TBC1D12: variants seen among roughly 807,000 people sequenced by gnomAD.
TBC1D12 encodes the protein TBC1 domain family member 12, also known as TBC1 domain family, member 12.
A neutral mutation model predicts 86.7 loss-of-function variants in TBC1D12; 56 were observed. The ratio of observed to expected loss-of-function variants is 0.65; its 90% confidence interval spans 0.52 to 0.81. The LOEUF is 0.81. Among genes scored for constraint, TBC1D12 ranks in the 30% least tolerant of loss-of-function variants. TBC1D12 has a pLI of 0.00. For missense variants in TBC1D12, 1,023 were observed against 1,038.8 expected (o/e 0.98, Z 0.21); for synonymous variants, 421 against 411.7 (o/e 1.02, Z -0.27).
At chr10:94,499,254 T>A (rs2056363814) in intron 5 of TBC1D12, among the ~76,000 whole-genome samples, 1 of 152,210 alleles carries the variant, frequency 6.6e-6, no homozygotes. Context: ...AATAGGTCAC[T>A]AACACTTATT....
intron 1 of TBC1D12, among the ~76,000 whole-genome samples, chr10:94,436,430 G>T (rs912692145): frequency 6.6e-6 from 1 of 151,974 alleles, no homozygotes; most frequent in African/African-American, 2.4e-5. Flanking sequence ...CACTGTGCCC[G>T]CCCAGGTCCT....
At chr10:94,429,135 A>C (rs986818250) in intron 1 of TBC1D12, among the ~76,000 whole-genome samples, 131 of 152,024 alleles carry the variant, frequency 8.6e-4, no homozygotes, top group African/African-American at 2.9e-3. Flanking sequence ...AGAAGCTCTA[A>C]AATATTATTT....
intron 12 of TBC1D12, 109 bp from the exon 13 acceptor site, chr10:94,532,919 G>GT: frequency 1.6e-6 from 1 of 628,364 alleles, no homozygotes. Context: ...TTCGGGGACA[G>GT]TGTTAAGTAT....
intron 2 of TBC1D12, among the ~76,000 whole-genome samples, chr10:94,446,583 G>A (rs1384687211): frequency 1.3e-5 from 2 of 151,826 alleles, no homozygotes; most frequent in African/African-American, 4.8e-5. Flanking sequence ...GGAATGTGGG[G>A]CTCACTATGT....
intron 2 of TBC1D12, among the ~76,000 whole-genome samples, chr10:94,448,012 C>G (rs546936820): frequency 5.9e-5 from 9 of 151,842 alleles, no homozygotes; most frequent in African/African-American, 2.2e-4. Context: ...CTTAGATGAT[C>G]AAGTTTTTCA....
rs766887992 is a variant in TBC1D12 at position 94,403,380 on chromosome 10, C to G, written c.767C>G (p.Thr256Ser). 3.2e-6 allele frequency: 5 copies of G among 1,542,036 alleles called. No individual in the cohort carries two copies. The highest frequency in any genetic ancestry group is 3.5e-6 in the Non-Finnish European group (4 of 1,144,272). Residue 256 changes from threonine to serine, a missense_variant, in exon 1 of 13, where the codon ACT becomes AGT. Coordinates refer to ENST00000225235, the MANE Select transcript of TBC1D12 (RefSeq NM_015188.2). The stretch of plus-strand genomic sequence containing the variant: ...CCCCCTGCCACCTCGGCCGAGAGGA[C>G]TAATGGGGGTGCGGAGCCGCGCCTG... ...GAPPATSAER[T>S]NGGAEPRLGF...
chr10:94,514,586 A>G (rs2056566373), intron 9 of TBC1D12, among the ~76,000 whole-genome samples: 1 of 152,156 alleles, frequency 6.6e-6, no homozygotes, highest in South Asian at 2.1e-4. Context: ...TGTTTTCCCA[A>G]ACGACATAAT....
intron 1 of TBC1D12, among the ~76,000 whole-genome samples, chr10:94,431,312 G>C (rs1451618937): frequency 6.6e-6 from 1 of 151,616 alleles, no homozygotes; most frequent in Non-Finnish European, 1.5e-5. Context: ...CTACTTGGGA[G>C]ACTAAGGCAC....
At position 94,497,044 on chromosome 10, in the gene TBC1D12, G is replaced by A. The variant is rs746902392; in HGVS notation, c.1295-11G>A. 13 of 1,512,870 alleles carry A rather than the reference G, an allele frequency of 8.6e-6. No individual in the cohort carries two copies. The highest frequency in any genetic ancestry group is 5.0e-5 in the East Asian group (2 of 40,252). The allele number at this position is 1,512,870 out of a possible 1,614,324, so 93.7% of individuals were successfully genotyped here. ...ATTTGTATTGAAATAATTTTTACTCGTTTAAAACAGAAATTAAGGAAGCAC... is the reference window on the plus strand; with the variant it reads ...ATTTGTATTGAAATAATTTTTACTCATTTAAAACAGAAATTAAGGAAGCAC... On this transcript the variant is annotated splice_polypyrimidine_tract_variant and intron_variant, in intron 4 of 12. Coordinates refer to ENST00000225235, the MANE Select transcript of TBC1D12 (RefSeq NM_015188.2).
At chr10:94,499,937 C>T (rs2056372531) in intron 5 of TBC1D12, among the ~76,000 whole-genome samples, 1 of 152,054 alleles carries the variant, frequency 6.6e-6, no homozygotes, top group Admixed American at 6.6e-5. Context: ...CCCTTTTATC[C>T]TGTTTTTTAA....
chr10:94,423,342 C>CTCACCATCT (rs1554934189), intron 1 of TBC1D12, among the ~76,000 whole-genome samples: 2 of 94,206 alleles, frequency 2.1e-5, no homozygotes, highest in Admixed American at 3.1e-4. Flanking sequence ...CATTCACCAT[C>CTCACCATCT]TTTTTTTTTT....
intron 1 of TBC1D12, 86 bp from the exon 2 acceptor site, chr10:94,441,807 TGCC>T: frequency 7.4e-7 from 1 of 1,359,202 alleles, no homozygotes; most frequent in Admixed American, 2.4e-5. Context: ...TTTTTGTTTT[TGCC>T]TTGGGAACAA....
intron 9 of TBC1D12, among the ~76,000 whole-genome samples, chr10:94,512,523 C>A (rs570369917): frequency 4.1e-4 from 62 of 152,172 alleles, no homozygotes; most frequent in Non-Finnish European, 5.4e-4. Context: ...GCTCTTATGA[C>A]TATATGTCAG....
chr10:94,510,435 A>G (rs1435082745), intron 8 of TBC1D12, among the ~76,000 whole-genome samples: 2 of 152,196 alleles, frequency 1.3e-5, no homozygotes, highest in African/African-American at 2.4e-5. Flanking sequence ...ATTTTATTAC[A>G]GTGAATTTAT....
intron 9 of TBC1D12, among the ~76,000 whole-genome samples, chr10:94,512,181 ATATTT>A (rs2056536317): frequency 6.6e-6 from 1 of 152,172 alleles, no homozygotes; most frequent in Non-Finnish European, 1.5e-5. Flanking sequence ...TCCTCTGTAG[ATATTT>A]TAGTTTTAAC....
intron 9 of TBC1D12, among the ~76,000 whole-genome samples, chr10:94,515,272 A>C (rs11187996): frequency 0.45 from 67,833 of 151,486 alleles, 15,415 homozygotes; most frequent in East Asian, 0.73. Flanking sequence ...TAGCCATATA[A>C]AGCAGTCCCC....
At chr10:94,499,545 C>A (rs369100273) in intron 5 of TBC1D12, among the ~76,000 whole-genome samples, 1 of 152,138 alleles carries the variant, frequency 6.6e-6, no homozygotes, top group Non-Finnish European at 1.5e-5. Context: ...TCTTCCCTCT[C>A]GACTGGAGGG....
rs1467339008 is a variant in TBC1D12, at chr10:94,522,368, G to A, written c.1915G>A (p.Glu639Lys). 1.4e-6 allele frequency: 2 copies of A among 1,451,946 alleles called. No individual in the cohort carries two copies. The allele number at this position is 1,451,946 out of a possible 1,614,324, so 89.9% of individuals were successfully genotyped here. A position where few individuals can be genotyped will look rare whatever the true frequency, so the allele number is the denominator to read the frequency against. ...SMMLKYFATF[E>K]VFFEENLSKL... Reference sequence around the variant, plus strand: ...GATGTTGAAATATTTTGCAACATTTGAAGTATTCTTTGAAGAAAATCTTTC... The same window carrying A: ...GATGTTGAAATATTTTGCAACATTTAAAGTATTCTTTGAAGAAAATCTTTC... The change falls in exon 11 of 13, where the codon GAA (glutamate) becomes AAA (lysine). Residue 639 changes from glutamate to lysine, a missense_variant. Physicochemically the swap from Glu to Lys is moderately conservative, Grantham distance 56. Transcript: ENST00000225235.
chr10:94,515,538 G>A lies in TBC1D12; in HGVS notation c.1761+3884G>A, dbSNP rs1475611736. Among the ~76,000 whole-genome samples the A allele has an allele frequency of 2.6e-5, 4 of 151,474 alleles. No individual in the cohort carries two copies. In the South Asian group the frequency reaches 6.3e-4, roughly 24 times the overall value. ...GATTTTTTGTATTTTTAGTAGAGAC[G>A]GGGTTTCACTGTGTTGACCAGGCTA... On this transcript the variant is annotated intron_variant, in intron 9 of 12. Coordinates refer to ENST00000225235, the MANE Select transcript of TBC1D12 (RefSeq NM_015188.2).
Sources: allele counts gnomAD v4.1 joint callset (sites outside exome capture counted in the v4.1 genomes callset), GRCh38; gene constraint gnomAD v4.1.1; transcripts MANE v1.5; gene names NCBI Gene and HGNC (gene_info 2026-07-23, HGNC 2026-07-21).